MRPS28: variants seen among roughly 807,000 people sequenced by gnomAD.
The protein encoded by MRPS28 is small ribosomal subunit protein bS1m.
In MRPS28, 7 loss-of-function variants were observed where a neutral mutation model predicts 10.8. The ratio of observed to expected loss-of-function variants is 0.65; its 90% CI spans 0.37 to 1.22. The LOEUF (loss-of-function observed/expected upper bound fraction) is 1.22, where lower values mean the gene tolerates loss of function less well. MRPS28 is among the 50% of genes most tolerant of loss of function. MRPS28 has a pLI of 0.02. For synonymous variants in MRPS28, 121 were observed against 93.3 expected, an observed-to-expected ratio of 1.30 and a Z score of -1.71; for missense variants, 265 against 232.9, an observed-to-expected ratio of 1.14 and a Z score of -0.90.
intron 2 of MRPS28, 61 bp downstream of exon 2, chr8:80,002,938 C>T (rs1489259326): frequency 7.4e-7 from 1 of 1,346,504 alleles, no homozygotes; most frequent in African/African-American, 1.5e-5. Context: ...TTCAACAATA[C>T]TTTTGCGCTA....
At chr8:79,951,236 C>T (rs369443395) in intron 2 of MRPS28, among the ~76,000 whole-genome samples, 1 of 152,162 alleles carries the variant, frequency 6.6e-6, no homozygotes, top group African/African-American at 2.4e-5. Flanking sequence ...TTAGTCTAGG[C>T]TCACACACGG....
intron 2 of MRPS28, among the ~76,000 whole-genome samples, chr8:79,978,613 A>G (rs1807863350): frequency 6.6e-6 from 1 of 152,204 alleles, no homozygotes; most frequent in Admixed American, 6.5e-5. Context: ...ACAGGATATA[A>G]GAGTAAGCTA....
At chr8:79,985,150 C>A (rs1175461649) in intron 2 of MRPS28, among the ~76,000 whole-genome samples, 3 of 152,158 alleles carry the variant, frequency 2.0e-5, no homozygotes, top group African/African-American at 7.2e-5. Flanking sequence ...TACATGGAAA[C>A]TGAACAACCT....
intron 1 of MRPS28, among the ~76,000 whole-genome samples, chr8:80,017,601 GTAAT>G (rs977248980): frequency 2.6e-5 from 4 of 152,166 alleles, no homozygotes; most frequent in African/African-American, 9.6e-5. Context: ...CATTAAATCA[GTAAT>G]TAATATACTT....
chr8:79,956,039 C>T (rs904264859), intron 2 of MRPS28, among the ~76,000 whole-genome samples: 2 of 152,086 alleles, frequency 1.3e-5, no homozygotes, highest in East Asian at 1.9e-4. Flanking sequence ...ACCTTAGTTT[C>T]CTCATCTAAA....
intron 2 of MRPS28, among the ~76,000 whole-genome samples, chr8:79,934,837 C>T (rs948978524): frequency 1.3e-5 from 2 of 152,084 alleles, no homozygotes; most frequent in Non-Finnish European, 1.5e-5. Flanking sequence ...ATTTCAATAA[C>T]AATTCTGAAA....
rs533431234 is a variant in MRPS28, at chr8:80,026,789, T to A, written c.213+3247A>T. 2.0e-5 allele frequency among the ~76,000 whole-genome samples: 3 copies of A among 152,368 alleles called. No homozygotes were observed. In the South Asian group the frequency reaches 6.2e-4, roughly 32 times the overall value. On this transcript the variant is annotated intron_variant, in intron 1 of 2. Transcript: ENST00000276585. ...ATGGTTGTTTTCTGGTGTTTTTTGT[T>A]TGGTTTTGGGCTTTTTGCCATGAAA... is the stretch of plus-strand genomic sequence containing the variant.
chr8:79,999,310 G>A (rs766393532), intron 2 of MRPS28, among the ~76,000 whole-genome samples: 2 of 152,196 alleles, frequency 1.3e-5, no homozygotes, highest in Non-Finnish European at 2.9e-5. Flanking sequence ...AACTGAGCTG[G>A]ATCTCATTAC....
At chr8:79,958,521 T>A in intron 2 of MRPS28, 1 of 571,710 alleles carries the variant, frequency 1.7e-6, no homozygotes, top group Middle Eastern at 2.6e-4. Context: ...TTTGGTACAC[T>A]AACAATTTTT....
rs1312244352 is a variant in MRPS28 at position 79,989,228 on chromosome 8, G to GA, written c.395+13770dup. Among the ~76,000 whole-genome samples the GA allele has an allele frequency of 2.0e-5, 3 of 152,090 alleles. No individual in the cohort carries two copies. The South Asian group carries it at 6.2e-4, about 32-fold the overall frequency. On this transcript the variant is annotated intron_variant, in intron 2 of 2. Transcript: ENST00000276585. ...GTTTGCAATCTTACCAAACTATCTA[G>GA]AAAAAATGATATAGAAAAAATTTAA...
intron 2 of MRPS28, among the ~76,000 whole-genome samples, chr8:79,968,373 C>A (rs984059267): frequency 3.9e-5 from 6 of 152,086 alleles, no homozygotes; most frequent in Admixed American, 6.6e-5. Context: ...GGCCCTCATC[C>A]TAGATTTTCT....
At chr8:79,971,744 C>T (rs1208864824) in intron 2 of MRPS28, among the ~76,000 whole-genome samples, 1 of 152,138 alleles carries the variant, frequency 6.6e-6, no homozygotes, top group Non-Finnish European at 1.5e-5. Context: ...GCAACCCAGG[C>T]TGGAGTGCAG....
intron 1 of MRPS28, among the ~76,000 whole-genome samples, chr8:80,003,992 C>A (rs1056542600): frequency 1.3e-5 from 2 of 152,242 alleles, no homozygotes; most frequent in African/African-American, 4.8e-5. Flanking sequence ...AGTCAGGAAG[C>A]TCCAACTGGG....
chr8:79,982,948 A>G (rs1427536062), intron 2 of MRPS28, among the ~76,000 whole-genome samples: 31 of 118,958 alleles, frequency 2.6e-4, no homozygotes, highest in Admixed American at 6.0e-4. Flanking sequence ...ATCTGAGAAC[A>G]GGCAGACTGC....
At chr8:80,003,240 T>A in intron 1 of MRPS28, 60 bp from the exon 2 acceptor site, 2 of 1,231,714 alleles carry the variant, frequency 1.6e-6, no homozygotes, top group Non-Finnish European at 2.1e-6. Flanking sequence ...TAATAAAGTC[T>A]TAAAGAAATT....
At chr8:80,001,888 G>A (rs541412803) in intron 2 of MRPS28, among the ~76,000 whole-genome samples, 28 of 152,200 alleles carry the variant, frequency 1.8e-4, no homozygotes, top group African/African-American at 5.1e-4. Flanking sequence ...CTCTGCATTC[G>A]GTGACATCAT....
intron 1 of MRPS28, among the ~76,000 whole-genome samples, chr8:80,020,732 T>C (rs979344473): frequency 6.6e-6 from 1 of 152,040 alleles, no homozygotes; most frequent in Non-Finnish European, 1.5e-5. Context: ...AAGAAATACT[T>C]GTAGAGAAGG....
At chr8:80,022,948 A>G (rs1278932192) in intron 1 of MRPS28, among the ~76,000 whole-genome samples, 4 of 152,214 alleles carry the variant, frequency 2.6e-5, no homozygotes, top group African/African-American at 7.2e-5. Context: ...CCCAAAAACA[A>G]AATACATACA....
chr8:79,971,739 C>T (rs1182136511), intron 2 of MRPS28, among the ~76,000 whole-genome samples: 1 of 152,092 alleles, frequency 6.6e-6, no homozygotes, highest in Non-Finnish European at 1.5e-5. Flanking sequence ...ATTCTGCAAC[C>T]CAGGCTGGAG....
Sources: gnomAD v4.1 joint callset for allele counts (sites outside exome capture counted in the v4.1 genomes callset) on GRCh38, gnomAD v4.1.1 for gene constraint, MANE v1.5 for transcripts, NCBI Gene and HGNC (gene_info 2026-07-23, HGNC 2026-07-21) for gene names.